RLF: variants seen among roughly 807,000 people sequenced by gnomAD.
The protein encoded by RLF is zinc finger protein Rlf.
RLF carries 7 observed loss-of-function variants against 162.9 expected under a neutral mutation model. That is an observed-to-expected ratio of 0.04 (90% CI 0.02 to 0.08). The LOEUF is 0.08. Ranked by LOEUF, RLF falls within the 10% of genes least tolerant of loss-of-function variation. The pLI is 1.00. For synonymous variants in RLF, 782 were observed against 791.5 expected (o/e 0.99, Z 0.20); for missense variants, 1,664 against 2,244.7 (o/e 0.74, Z 5.23).
chr1:40,201,483 G>A (rs1403394617), intron 4 of RLF, among the ~76,000 whole-genome samples: 6 of 151,834 alleles, frequency 4.0e-5, no homozygotes, highest in South Asian at 2.1e-4. Flanking sequence ...TAAATTAGCC[G>A]GGCATGGTGG....
chr1:40,175,834 T>C (rs1642318086), intron 1 of RLF, among the ~76,000 whole-genome samples: 1 of 150,500 alleles, frequency 6.6e-6, no homozygotes, highest in South Asian at 2.1e-4. Flanking sequence ...CATATCTTAA[T>C]ATCCATGAAA....
chr1:40,234,554 G>A (rs1472693232), intron 7 of RLF, among the ~76,000 whole-genome samples: 1 of 152,178 alleles, frequency 6.6e-6, no homozygotes, highest in African/African-American at 2.4e-5. Flanking sequence ...TAGTTACAAT[G>A]TGCCAGCGTT....
chr1:40,167,743 G>A (rs990502444), intron 1 of RLF, among the ~76,000 whole-genome samples: 15 of 145,982 alleles, frequency 1.0e-4, no homozygotes, highest in African/African-American at 3.1e-4. Flanking sequence ...TTGTATGTCC[G>A]TCTCCCCAAC....
At chr1:40,222,246 G>GA (rs951393162) in intron 5 of RLF, among the ~76,000 whole-genome samples, 19 of 149,184 alleles carry the variant, frequency 1.3e-4, no homozygotes, top group South Asian at 4.2e-4. Flanking sequence ...GAACAGGAAA[G>GA]AAAAAAAAAC....
At position 40,239,300 on chromosome 1, in the gene RLF, G is replaced by A. The variant is rs1643259894; in HGVS notation, c.4598G>A (p.Arg1533Lys). The A allele has an allele frequency of 6.2e-7, 1 of 1,614,084 alleles. No individual in the cohort carries two copies. The highest frequency in any genetic ancestry group is 8.5e-7 in the Non-Finnish European group (1 of 1,180,016). The change falls in exon 8 of 8, where the codon AGA (arginine) becomes AAA (lysine). Residue 1533 changes from arginine to lysine, a missense_variant. By Grantham distance (26) the Arg-to-Lys change is conservative (BLOSUM62 2). Coordinates refer to ENST00000372771, the MANE Select transcript of RLF (RefSeq NM_012421.4). ...EKKAPISFKT[R>K]AEALHMCVEH... ...AAAGCCCCAATAAGTTTTAAAACCA[G>A]AGCTGAGGCCCTCCATATGTGTGTG...
chr1:40,185,418 C>T (rs1170819401), intron 1 of RLF, among the ~76,000 whole-genome samples: 1 of 144,238 alleles, frequency 6.9e-6, no homozygotes, highest in Admixed American at 7.3e-5. Context: ...GCGTGAGCCA[C>T]CTTGCCTAGT....
intron 1 of RLF, among the ~76,000 whole-genome samples, chr1:40,176,183 A>C (rs1424022908): frequency 1.3e-5 from 2 of 152,200 alleles, no homozygotes; most frequent in Non-Finnish European, 2.9e-5. Context: ...TGACTACTAC[A>C]AATCAAGCTG....
intron 7 of RLF, among the ~76,000 whole-genome samples, chr1:40,232,884 G>A (rs182361128): frequency 6.5e-4 from 98 of 151,826 alleles, no homozygotes; most frequent in African/African-American, 2.2e-3. Context: ...CTTTTTTGGC[G>A]GGGAGCAGTG....
intron 1 of RLF, among the ~76,000 whole-genome samples, chr1:40,169,096 G>A (rs1415216073): frequency 1.3e-5 from 2 of 152,072 alleles, no homozygotes; most frequent in African/African-American, 4.8e-5. Flanking sequence ...AAATTTGAGG[G>A]ACTGAATAAT....
At chr1:40,184,802 A>G (rs1642451732) in intron 1 of RLF, among the ~76,000 whole-genome samples, 1 of 152,196 alleles carries the variant, frequency 6.6e-6, no homozygotes. Flanking sequence ...AGTACAAAAT[A>G]GTAGGTATTT....
Position 40,199,318 on chromosome 1 carries a change from T to C in RLF, c.608-3094T>C, listed in dbSNP as rs563472737. On this transcript the variant is annotated intron_variant, in intron 4 of 7. Coordinates refer to ENST00000372771, the MANE Select transcript of RLF (RefSeq NM_012421.4). ...ACAAGACATGATATTTGTTCACAAA[T>C]TGCTGACAGTGTAATAAAGGAGATA... Among the ~76,000 whole-genome samples, 178 of 152,356 alleles carry C rather than the reference T, an allele frequency of 1.2e-3. 2 individuals carry two copies. Among genetic ancestry groups the C allele is most frequent in the Non-Finnish European group, 2.1e-3 (142 of 68,028 alleles).
chr1:40,236,254 A>G lies in RLF; in HGVS notation c.1552A>G (p.Lys518Glu). 1.9e-6 allele frequency: 3 copies of G among 1,613,924 alleles called. No homozygotes were observed. The highest frequency in any genetic ancestry group is 2.5e-6 in the Non-Finnish European group (3 of 1,179,890). The part of the protein sequence containing the change: ...ESFLSDYDEG[K>E]EDKQYRRRDL... Reference sequence around the variant, plus strand: ...ATTTCTCAGTGACTATGATGAGGGTAAAGAAGATAAACAATATAGAAGAAG... The same window carrying G: ...ATTTCTCAGTGACTATGATGAGGGTGAAGAAGATAAACAATATAGAAGAAG... The change falls in exon 8 of 8, where the codon AAA (lysine) becomes GAA (glutamate). Residue 518 changes from lysine (K) to glutamate (E), a missense_variant. By Grantham distance (56) the Lys-to-Glu change is moderately conservative. This residue lies in a region of RLF where 54 missense variants were observed against 71.7 expected (regional missense o/e 0.75). Coordinates refer to ENST00000372771, the MANE Select transcript of RLF (RefSeq NM_012421.4). The surrounding 1 kb of genome is among the most constrained non-coding windows in gnomAD (Gnocchi z 7.7).
chr1:40,175,248 C>G (rs138036263), intron 1 of RLF, among the ~76,000 whole-genome samples: 1,753 of 151,914 alleles, frequency 0.012, 22 homozygotes, highest in Middle Eastern at 0.02. Flanking sequence ...CCATAAAGTT[C>G]TAACAGTAAA....
At chr1:40,221,002 C>T (rs1311880743) in intron 5 of RLF, among the ~76,000 whole-genome samples, 1 of 148,104 alleles carries the variant, frequency 6.8e-6, no homozygotes, top group African/African-American at 2.5e-5. Context: ...TGTGGTGGTA[C>T]ACACCTGTGG....
rs964032336 is a variant in RLF, at chr1:40,190,967, T to C, written c.474+114T>C. ...AAAACAAGTTTATTATATATTGATATTAGGTCATGAAATGATAAAAAGGCC... is the reference window on the plus strand; with the variant it reads ...AAAACAAGTTTATTATATATTGATACTAGGTCATGAAATGATAAAAAGGCC... On this transcript the variant is annotated intron_variant, in intron 3 of 7. Transcript: ENST00000372771. 10 of 542,466 alleles carry C rather than the reference T, an allele frequency of 1.8e-5. No individual in the cohort carries two copies. In the African/African-American group the frequency reaches 1.9e-4, roughly 11 times the overall value. 33.6% of individuals were successfully genotyped at this position (542,466 alleles called of 1,614,324 possible).
At chr1:40,197,324 A>C (rs1642650910) in intron 4 of RLF, among the ~76,000 whole-genome samples, 1 of 152,184 alleles carries the variant, frequency 6.6e-6, no homozygotes, top group Non-Finnish European at 1.5e-5. Context: ...TCCCCTTGTA[A>C]ATGTAGGTAG....
intron 6 of RLF, among the ~76,000 whole-genome samples, chr1:40,224,622 G>GTTTTTTTTTTTTTTTTTT (rs1557757506): frequency 7.4e-5 from 1 of 13,518 alleles, no homozygotes; most frequent in Non-Finnish European, 1.4e-4. Context: ...GTTTTTGAAA[G>GTTTTTTTTTTTTTTTTTT]CTTTTTTTTT....
chr1:40,168,530 A>G (rs1311956429), intron 1 of RLF, among the ~76,000 whole-genome samples: 1 of 152,148 alleles, frequency 6.6e-6, no homozygotes, highest in Non-Finnish European at 1.5e-5. Flanking sequence ...GGCGTGAGCC[A>G]TTGCACCCGG....
chr1:40,223,266 T>C (rs1383304745), intron 6 of RLF, among the ~76,000 whole-genome samples: 1 of 152,226 alleles, frequency 6.6e-6, no homozygotes, highest in Non-Finnish European at 1.5e-5. Flanking sequence ...TCCGTGGTTC[T>C]TTCATTCTAA....
Sources: gnomAD v4.1 joint callset for allele counts (sites outside exome capture counted in the v4.1 genomes callset) on GRCh38, gnomAD v4.1.1 for gene constraint, gnomAD v4.1.1 regional missense constraint, Gnocchi (gnomAD v3.1) non-coding constraint, MANE v1.5 for transcripts, NCBI Gene and HGNC (gene_info 2026-07-23, HGNC 2026-07-21) for gene names.